The following BMP6 variants were observed in gnomAD, a reference collection of about 807,000 sequenced individuals.
BMP6 encodes bone morphogenetic protein 6.
BMP6 carries 17 observed loss-of-function variants against 54.1 expected under a neutral mutation model. That is an observed-to-expected ratio of 0.31 (90% CI 0.22 to 0.47). BMP6 has a LOEUF of 0.47. Among genes scored for constraint, BMP6 ranks in the 20% least tolerant of loss-of-function variants. The pLI, the probability that BMP6 is intolerant of heterozygous loss-of-function variation, is 1.00. For missense variants in BMP6, 720 were observed against 690.4 expected, an observed-to-expected ratio of 1.04 and a Z score of -0.48; for synonymous variants, 328 against 291.2, an observed-to-expected ratio of 1.13 and a Z score of -1.28.
At chr6:7,858,803 C>T (rs984668065) in intron 2 of BMP6, among the ~76,000 whole-genome samples, 2 of 149,998 alleles carry the variant, frequency 1.3e-5, no homozygotes, top group Non-Finnish European at 3.0e-5. Flanking sequence ...CCCGAGCATC[C>T]TAGATCTAAA....
chr6:7,809,965 C>T (rs1479434324), intron 1 of BMP6, among the ~76,000 whole-genome samples: 1 of 151,982 alleles, frequency 6.6e-6, no homozygotes, highest in African/African-American at 2.4e-5. Flanking sequence ...TATTTATTCA[C>T]TGAGCAAATA....
chr6:7,864,124 G>T (rs527429189), intron 4 of BMP6, among the ~76,000 whole-genome samples: 1 of 152,078 alleles, frequency 6.6e-6, no homozygotes, highest in Non-Finnish European at 1.5e-5. Flanking sequence ...AGCCAGTCCC[G>T]TAGCTAGTTA....
intron 1 of BMP6, among the ~76,000 whole-genome samples, chr6:7,786,020 C>T (rs988312377): frequency 3.3e-5 from 5 of 152,134 alleles, no homozygotes; most frequent in Admixed American, 2.6e-4. Context: ...CTTGTATTAA[C>T]GAATGTGCCC....
At chr6:7,872,480 C>T (rs1264814237) in intron 4 of BMP6, among the ~76,000 whole-genome samples, 2 of 152,152 alleles carry the variant, frequency 1.3e-5, no homozygotes, top group African/African-American at 4.8e-5. Flanking sequence ...GGAAGAAAAA[C>T]AGGAGAGTTG....
chr6:7,852,741 A>G (rs1170991268), intron 2 of BMP6, among the ~76,000 whole-genome samples: 1 of 152,136 alleles, frequency 6.6e-6, no homozygotes, highest in African/African-American at 2.4e-5. Context: ...GCCTCTAAAC[A>G]GTTTCTTTCT....
intron 1 of BMP6, among the ~76,000 whole-genome samples, chr6:7,777,409 T>TG (rs1757877588): frequency 6.6e-6 from 1 of 152,208 alleles, no homozygotes; most frequent in South Asian, 2.1e-4. Flanking sequence ...AAGTAATACA[T>TG]GAATACTTTC....
chr6:7,790,185 T>C (rs1758074666), intron 1 of BMP6, among the ~76,000 whole-genome samples: 2 of 152,146 alleles, frequency 1.3e-5, no homozygotes, highest in Admixed American at 6.5e-5. Flanking sequence ...CAGTCAGCTT[T>C]CTGAACGTGG....
At chr6:7,873,794 T>C (rs1434726992) in intron 4 of BMP6, among the ~76,000 whole-genome samples, 1 of 152,024 alleles carries the variant, frequency 6.6e-6, no homozygotes, top group Non-Finnish European at 1.5e-5. Context: ...ACCAGAGATA[T>C]ATTTATTATT....
At chr6:7,848,327 A>G (rs1759096654) in intron 2 of BMP6, among the ~76,000 whole-genome samples, 1 of 152,186 alleles carries the variant, frequency 6.6e-6, no homozygotes, top group Non-Finnish European at 1.5e-5. Flanking sequence ...AACTACACCT[A>G]TAGATAACAT....
intron 1 of BMP6, among the ~76,000 whole-genome samples, chr6:7,740,039 C>A (rs958403772): frequency 3.3e-4 from 51 of 152,294 alleles, no homozygotes; most frequent in African/African-American, 1.1e-3. Flanking sequence ...GCACACTGGG[C>A]TGAGACAGGA....
In BMP6 at chr6:7,779,549, A is replaced by G. The variant is rs553985853; in HGVS notation, c.664+51930A>G. ...GAGACGGGGTTTCACCATGTTGGCC[A>G]GGCTGGTCTTGAACTCCTGGCCTCA... On this transcript the variant is annotated intron_variant, in intron 1 of 6. Coordinates refer to ENST00000283147, the MANE Select transcript of BMP6 (RefSeq NM_001718.6). Among the ~76,000 whole-genome samples, 7 of 152,288 alleles carry G rather than the reference A, an allele frequency of 4.6e-5. No individual in the cohort carries two copies. In the East Asian group the frequency reaches 9.7e-4, roughly 21 times the overall value.
In BMP6 at chr6:7,726,529, C is replaced by T. The variant is rs1360694530; in HGVS notation, c.-427C>T. Among the ~76,000 whole-genome samples the T allele has an allele frequency of 6.6e-6, 1 of 152,162 alleles. No homozygotes were observed. Among genetic ancestry groups the T allele is most frequent in the Non-Finnish European group, 1.5e-5 (1 of 68,010 alleles). ...GCAGCTCGTGAGCGGCCCCGCTCCC[C>T]GCTGCCCCGGGTCCCACTCAGTCGC... On this transcript the variant is annotated 5_prime_UTR_variant, in exon 1 of 7. Coordinates refer to ENST00000283147, the MANE Select transcript of BMP6 (RefSeq NM_001718.6).
intron 1 of BMP6, among the ~76,000 whole-genome samples, chr6:7,796,726 A>G (rs1758196548): frequency 6.6e-6 from 1 of 152,220 alleles, no homozygotes; most frequent in African/African-American, 2.4e-5. Flanking sequence ...CCAATACATA[A>G]TGGAATTTTA....
chr6:7,807,230 A>G (rs1029116976), intron 1 of BMP6, among the ~76,000 whole-genome samples: 2 of 152,152 alleles, frequency 1.3e-5, no homozygotes, highest in African/African-American at 4.8e-5. Context: ...CAGTTCTCAA[A>G]GTGTGGTCCA....
chr6:7,829,922 T>C (rs1435809047), intron 1 of BMP6, among the ~76,000 whole-genome samples: 2 of 152,342 alleles, frequency 1.3e-5, no homozygotes, highest in Admixed American at 6.5e-5. Context: ...CTCTTGTCTT[T>C]GTTTCCAGAT....
chr6:7,871,656 A>T (rs1434920901), intron 4 of BMP6, among the ~76,000 whole-genome samples: 1 of 152,132 alleles, frequency 6.6e-6, no homozygotes, highest in East Asian at 1.9e-4. Flanking sequence ...CTGTGTATTC[A>T]ACTTTGAAAA....
At chr6:7,865,678 A>G (rs1759410269) in intron 4 of BMP6, among the ~76,000 whole-genome samples, 1 of 152,130 alleles carries the variant, frequency 6.6e-6, no homozygotes, top group African/African-American at 2.4e-5. Flanking sequence ...CCAGGTAGAC[A>G]TTACAGTAAC....
intron 1 of BMP6, among the ~76,000 whole-genome samples, chr6:7,826,388 G>T (rs562839930): frequency 5.7e-4 from 87 of 152,334 alleles, no homozygotes; most frequent in African/African-American, 1.6e-3. Flanking sequence ...GGTCAGAGGG[G>T]CAGTGTGACC....
At chr6:7,847,408 C>G (rs1007576995) in intron 2 of BMP6, among the ~76,000 whole-genome samples, 1 of 152,174 alleles carries the variant, frequency 6.6e-6, no homozygotes, top group Non-Finnish European at 1.5e-5. Flanking sequence ...TAGCGTTCTT[C>G]CAGAGGCCTC....
Sources: allele counts gnomAD v4.1 joint callset (sites outside exome capture counted in the v4.1 genomes callset), GRCh38; gene constraint gnomAD v4.1.1; transcripts MANE v1.5; gene names NCBI Gene and HGNC (gene_info 2026-07-23, HGNC 2026-07-21).